Variants in MSRA observed in about 807,000 individuals in gnomAD.
MSRA encodes the protein mitochondrial peptide methionine sulfoxide reductase.
A neutral mutation model predicts 31.3 loss-of-function variants in MSRA; 54 were observed. The ratio of observed to expected loss-of-function variants is 1.73; its 90% confidence interval spans 1.39 to 2.17. The LOEUF (loss-of-function observed/expected upper bound fraction) is 2.17, where lower values mean the gene tolerates loss of function less well. MSRA is among the 30% of genes most tolerant of loss of function. The probability of loss-of-function intolerance (pLI) is 0.00; values close to 1 mark genes in which losing one functional copy is unlikely to be tolerated. For synonymous variants in MSRA, 169 were observed against 116.5 expected (o/e 1.45, Z -2.90); for missense variants, 507 against 300.9 (o/e 1.69, Z -5.07).
At chr8:10,400,806 G>A (rs1243356034) in intron 5 of MSRA, among the ~76,000 whole-genome samples, 2 of 152,198 alleles carry the variant, frequency 1.3e-5, no homozygotes, top group Non-Finnish European at 1.5e-5. Context: ...GGATCTCCAG[G>A]TTTGTGAGTG....
chr8:10,240,400 C>T (rs925057840), intron 2 of MSRA, among the ~76,000 whole-genome samples: 4 of 152,178 alleles, frequency 2.6e-5, no homozygotes, highest in Non-Finnish European at 5.9e-5. Flanking sequence ...GCATCCATTA[C>T]GCAGGTACTA....
At chr8:10,202,785 T>C (rs975047545) in intron 1 of MSRA, among the ~76,000 whole-genome samples, 2 of 152,228 alleles carry the variant, frequency 1.3e-5, no homozygotes, top group Admixed American at 6.5e-5. Flanking sequence ...TGAGTGCTTT[T>C]TGTATTTAAT....
chr8:10,405,799 A>C (rs1807773923), intron 5 of MSRA, among the ~76,000 whole-genome samples: 1 of 151,940 alleles, frequency 6.6e-6, no homozygotes, highest in East Asian at 1.9e-4. Flanking sequence ...AATCACATAC[A>C]CACATGCTCG....
rs558949627 is a variant in MSRA, at chr8:10,055,496, C to CGCA, written c.142+851_142+853dup. 1.1e-4 allele frequency among the ~76,000 whole-genome samples: 16 copies of CGCA among 152,338 alleles called. No homozygotes were observed. The South Asian group carries it at 2.9e-3, about 28-fold the overall frequency. On this transcript the variant is annotated intron_variant, in intron 1 of 5. Coordinates refer to ENST00000317173, the MANE Select transcript of MSRA (RefSeq NM_012331.5). ...CGCTTCTCAGAGTGCCCCCACCTGC[C>CGCA]GCAGCAGCAGCAGCATCACCACCTG...
At chr8:10,410,070 A>G (rs1808062571) in intron 5 of MSRA, among the ~76,000 whole-genome samples, 1 of 152,210 alleles carries the variant, frequency 6.6e-6, no homozygotes, top group African/African-American at 2.4e-5. Context: ...TTATTTTTAA[A>G]GATATTTCTT....
chr8:10,219,805 C>CAAAAAAAAAAA lies in MSRA; in HGVS notation c.211+11904_211+11905insAAAAAAAAAAA, dbSNP rs202000887. 1.3e-3 allele frequency among the ~76,000 whole-genome samples: 61 copies of CAAAAAAAAAAA among 46,056 alleles called. 10 individuals are homozygous for CAAAAAAAAAAA. In the East Asian group the frequency reaches 0.039, roughly 29 times the overall value. 30.2% of individuals were successfully genotyped at this position (46,056 alleles called of 152,430 possible). ...TGGACGACAGATCGAGACTCTGTCT[C>CAAAAAAAAAAA]CAAAAAAAAAAAAAAAAAAAAAAGA... On this transcript the variant is annotated intron_variant, in intron 2 of 5. Coordinates refer to ENST00000317173, the MANE Select transcript of MSRA (RefSeq NM_012331.5).
At chr8:10,405,974 G>A (rs548502718) in intron 5 of MSRA, among the ~76,000 whole-genome samples, 5 of 152,402 alleles carry the variant, frequency 3.3e-5, no homozygotes, top group African/African-American at 9.6e-5. Context: ...GAGGGGCAGA[G>A]GAGACTGAGA....
At chr8:10,314,325 T>C (rs1423201463) in intron 4 of MSRA, among the ~76,000 whole-genome samples, 3 of 152,182 alleles carry the variant, frequency 2.0e-5, no homozygotes, top group African/African-American at 7.2e-5. Flanking sequence ...GTGCAGTATT[T>C]TTTTTTAGAA....
chr8:10,057,795 G>T (rs765774636), intron 1 of MSRA, among the ~76,000 whole-genome samples: 3 of 152,208 alleles, frequency 2.0e-5, no homozygotes. Context: ...TAAGTTTCCT[G>T]AGGCCTCCCT....
intron 2 of MSRA, among the ~76,000 whole-genome samples, chr8:10,212,906 T>C (rs1809635161): frequency 6.6e-6 from 1 of 152,172 alleles, no homozygotes; most frequent in African/African-American, 2.4e-5. Flanking sequence ...TTTAAAAGTT[T>C]TGTGGGTACA....
At chr8:10,114,017 A>C (rs1800492344) in intron 1 of MSRA, among the ~76,000 whole-genome samples, 1 of 151,974 alleles carries the variant, frequency 6.6e-6, no homozygotes, top group African/African-American at 2.4e-5. Flanking sequence ...TTGTCTATGG[A>C]TTTGTCTATT....
intron 5 of MSRA, among the ~76,000 whole-genome samples, chr8:10,354,778 AC>A (rs1804412348): frequency 1.4e-5 from 2 of 144,424 alleles, no homozygotes; most frequent in Non-Finnish European, 1.5e-5. Flanking sequence ...ATATATATAT[AC>A]CAGTTATATA....
intron 1 of MSRA, among the ~76,000 whole-genome samples, chr8:10,067,827 T>A (rs1214356011): frequency 3.3e-5 from 5 of 151,992 alleles, no homozygotes; most frequent in African/African-American, 1.2e-4. Flanking sequence ...GTGATGTGTC[T>A]GTTCAAATCT....
At chr8:10,066,353 C>T (rs1310024106) in intron 1 of MSRA, among the ~76,000 whole-genome samples, 1 of 152,168 alleles carries the variant, frequency 6.6e-6, no homozygotes, top group Non-Finnish European at 1.5e-5. Flanking sequence ...TTTCCAATTT[C>T]CCAACTAACC....
At chr8:10,157,532 C>CTG (rs1464328907) in intron 1 of MSRA, among the ~76,000 whole-genome samples, 1 of 151,856 alleles carries the variant, frequency 6.6e-6, no homozygotes, top group Non-Finnish European at 1.5e-5. Flanking sequence ...TGGGAGGTGG[C>CTG]TGGAGTAGGG....
intron 1 of MSRA, among the ~76,000 whole-genome samples, chr8:10,099,028 C>T (rs1049525317): frequency 1.3e-5 from 2 of 152,062 alleles, no homozygotes; most frequent in Non-Finnish European, 2.9e-5. Flanking sequence ...AGAAGGTTTG[C>T]TAGGGGGTGT....
At chr8:10,192,190 C>T (rs978561975) in intron 1 of MSRA, among the ~76,000 whole-genome samples, 1 of 152,244 alleles carries the variant, frequency 6.6e-6, no homozygotes, top group African/African-American at 2.4e-5. Context: ...AAACCCCCAT[C>T]ACTCCTGTTG....
At chr8:10,383,198 G>C (rs140693160) in intron 5 of MSRA, among the ~76,000 whole-genome samples, 340 of 152,338 alleles carry the variant, frequency 2.2e-3, no homozygotes, top group African/African-American at 7.6e-3. Flanking sequence ...GAAGGCTGCA[G>C]GGGCAGAGGG....
intron 3 of MSRA, among the ~76,000 whole-genome samples, chr8:10,268,447 C>T (rs1328934569): frequency 6.6e-6 from 1 of 152,208 alleles, no homozygotes; most frequent in Non-Finnish European, 1.5e-5. Context: ...AACTTCTACT[C>T]CCGAGGTTAG....
Sources: gnomAD v4.1 joint callset for allele counts (sites outside exome capture counted in the v4.1 genomes callset) on GRCh38, gnomAD v4.1.1 for gene constraint, MANE v1.5 for transcripts, NCBI Gene and HGNC (gene_info 2026-07-23, HGNC 2026-07-21) for gene names.